The following ADGRB1 variants were observed in gnomAD, a reference collection of about 807,000 sequenced individuals.
ADGRB1 encodes adhesion G protein-coupled receptor B1, also known as brain-specific angiogenesis inhibitor 1.
ADGRB1 carries 36 observed loss-of-function variants against 175.7 expected under a neutral mutation model. The ratio of observed to expected loss-of-function variants is 0.20; its 90% confidence interval spans 0.16 to 0.27. The LOEUF is 0.27. Among genes scored for constraint, ADGRB1 ranks in the 10% least tolerant of loss-of-function variants. The pLI, the probability that ADGRB1 is intolerant of heterozygous loss-of-function variation, is 1.00. For missense variants in ADGRB1, 1,731 were observed against 2,255.3 expected (o/e 0.77, Z 4.71); for synonymous variants, 1,054 against 979.4 (o/e 1.08, Z -1.42).
At chr8:142,540,731 G>A (rs889289567) in intron 27 of ADGRB1, among the ~76,000 whole-genome samples, 6 of 152,114 alleles carry the variant, frequency 3.9e-5, no homozygotes, top group African/African-American at 1.4e-4. Flanking sequence ...CGGCCTTGGG[G>A]ACGTGCGTCC....
chr8:142,529,088 A>AC (rs1454845393), intron 24 of ADGRB1, among the ~76,000 whole-genome samples: 4 of 152,072 alleles, frequency 2.6e-5, no homozygotes, highest in Admixed American at 6.5e-5. Context: ...CACCCATGAC[A>AC]CCCCCGCAGT....
At chr8:142,461,735 G>A (rs948918274) in intron 1 of ADGRB1, among the ~76,000 whole-genome samples, 1 of 152,168 alleles carries the variant, frequency 6.6e-6, no homozygotes, top group African/African-American at 2.4e-5. Context: ...GGTGAAGGTG[G>A]TGCATCTGGG....
chr8:142,502,470 C>G (rs373965678), intron 17 of ADGRB1, among the ~76,000 whole-genome samples: 7,074 of 7,660 alleles, frequency 0.92, 3,315 homozygotes, highest in East Asian at 0.93. Flanking sequence ...GCAGTCATCA[C>G]TGTGGTTTTG....
intron 17 of ADGRB1, among the ~76,000 whole-genome samples, chr8:142,499,960 T>C (rs62513272): frequency 1 from 152,081 of 152,082 alleles, 76,040 homozygotes; most frequent in Non-Finnish European, 1. Context: ...GCCCACCCGG[T>C]TCCTTTGCAC....
chr8:142,483,990 T>G lies in ADGRB1; in HGVS notation c.2144T>G (p.Ile715Ser). 6.2e-7 allele frequency: 1 copy of G among 1,613,472 alleles called. No individual in the cohort carries two copies. Among genetic ancestry groups the G allele is most frequent in the Non-Finnish European group, 8.5e-7 (1 of 1,179,656 alleles). Residue 715 changes from isoleucine to serine, a missense_variant, in exon 12 of 31, where the codon ATC becomes AGC. Physicochemically the swap from Ile to Ser is moderately radical, Grantham distance 142 (BLOSUM62 -2). Transcript: ENST00000517894. ...TPGDVQNFVQILSNLLAEENR... is the reference protein window; with the variant it reads ...TPGDVQNFVQSLSNLLAEENR... ...TCTTCTTTCCAGAACTTTGTCCAGATCCTTAGCAACCTGTTGGCAGAGGAG... is the reference window on the plus strand; with the variant it reads ...TCTTCTTTCCAGAACTTTGTCCAGAGCCTTAGCAACCTGTTGGCAGAGGAG...
chr8:142,499,654 G>C (rs2131949300), intron 17 of ADGRB1, among the ~76,000 whole-genome samples: 1 of 152,318 alleles, frequency 6.6e-6, no homozygotes, highest in South Asian at 2.1e-4. Flanking sequence ...GGCTGGGGTG[G>C]GTGGGGCTGC....
At chr8:142,472,507 T>C (rs7822554) in intron 2 of ADGRB1, among the ~76,000 whole-genome samples, 111,134 of 152,110 alleles carry the variant, frequency 0.73, 41,367 homozygotes, top group Non-Finnish European at 0.81. Flanking sequence ...GGCCACCCAG[T>C]GAAGCGTGGC....
chr8:142,476,840 T>A, intron 4 of ADGRB1, 145 bp downstream of exon 4: 1 of 993,656 alleles, frequency 1.0e-6, no homozygotes, highest in South Asian at 1.7e-5. Context: ...GTCTCCTGAC[T>A]GCCTGGCATT....
rs1365938358 is a variant in ADGRB1, at chr8:142,537,309, G to A, written c.3666+227G>A. ...AGCTGATGAGTTTGGAGGTCTCAGC[G>A]GAGGCTGGCATCCACCCCACACTCA... On this transcript the variant is annotated intron_variant, in intron 26 of 30. Transcript: ENST00000517894. The surrounding 1 kb of genome is among the most constrained non-coding windows in gnomAD (Gnocchi z 4.6). Among the ~76,000 whole-genome samples, 2 of 152,032 alleles carry A rather than the reference G, an allele frequency of 1.3e-5. No individual in the cohort carries two copies. The highest frequency in any genetic ancestry group is 1.5e-5 in the Non-Finnish European group (1 of 67,982).
intron 25 of ADGRB1, 78 bp downstream of exon 25, chr8:142,533,544 A>C: frequency 6.9e-7 from 1 of 1,451,708 alleles, no homozygotes; most frequent in Admixed American, 2.1e-5. Context: ...TTCCCCGAGG[A>C]CCTCGGCAGG....
chr8:142,535,036 G>A (rs902133406), intron 25 of ADGRB1, among the ~76,000 whole-genome samples: 1 of 152,162 alleles, frequency 6.6e-6, no homozygotes, highest in African/African-American at 2.4e-5. Context: ...AAGAACAGTA[G>A]CCTATGAAAA....
chr8:142,524,256 G>C lies in ADGRB1; in HGVS notation c.3264G>C (p.Glu1088Asp), dbSNP rs764029236. 6.2e-7 allele frequency: 1 copy of C among 1,600,506 alleles called. No individual in the cohort carries two copies. The highest frequency in any genetic ancestry group is 8.5e-7 in the Non-Finnish European group (1 of 1,179,030). Residue 1088 changes from glutamate to aspartate, a missense_variant, in exon 23 of 31, where the codon GAG (glutamate) becomes GAC (aspartate). By Grantham distance (45) the Glu-to-Asp change is conservative. Around this residue, in one of 8 missense-constraint regions of ADGRB1, gnomAD observed 301 missense variants for 488.4 expected, o/e 0.62. Transcript: ENST00000517894. ...TCCCCAGCTGCTGGCTCTCCCTGGA[G>C]GGGGGACTGCTCTATGCCTTCGTGG... The part of the protein sequence containing the change: ...STMNYCWLSL[E>D]GGLLYAFVGP...
intron 2 of ADGRB1, among the ~76,000 whole-genome samples, chr8:142,465,512 T>G (rs1587260249): frequency 6.7e-6 from 1 of 150,104 alleles, no homozygotes; most frequent in African/African-American, 2.5e-5. Flanking sequence ...TCAGATGAGG[T>G]TTCGGGTTGA....
intron 22 of ADGRB1, among the ~76,000 whole-genome samples, chr8:142,523,687 G>A (rs939396821): frequency 6.6e-6 from 1 of 151,300 alleles, no homozygotes; most frequent in Non-Finnish European, 1.5e-5. Context: ...GCTGCTCAGG[G>A]TAGAGGGAAC....
intron 16 of ADGRB1, among the ~76,000 whole-genome samples, chr8:142,489,897 GC>G (rs1316250779): frequency 1.3e-5 from 2 of 152,206 alleles, no homozygotes; most frequent in African/African-American, 4.8e-5. Context: ...CTGGCGGGAA[GC>G]CCCAGCCTCC....
chr8:142,453,750 A>G (rs1303597686), intron 1 of ADGRB1, among the ~76,000 whole-genome samples: 1 of 152,198 alleles, frequency 6.6e-6, no homozygotes, highest in Non-Finnish European at 1.5e-5. Flanking sequence ...ATATGCAGGA[A>G]AAAGCCCCTG....
At position 142,477,532 on chromosome 8, in the gene ADGRB1, A is replaced by G; in HGVS notation, c.1370A>G (p.Asn457Ser). 2.5e-6 allele frequency: 4 copies of G among 1,612,970 alleles called. No individual in the cohort carries two copies. The highest frequency in any genetic ancestry group is 3.4e-6 in the Non-Finnish European group (4 of 1,179,594). The change falls in exon 6 of 31, where the codon AAC becomes AGC. Residue 457 changes from asparagine (N) to serine (S), a missense_variant. Coordinates refer to ENST00000517894, the MANE Select transcript of ADGRB1 (RefSeq NM_001702.3). ...CCTGAGAAGCAAACCAAGTTCTGCA[A>G]CATTGCCCTGTGCCCTGGTAGGTGA... ...EGPEKQTKFC[N>S]IALCPGRAVD...
chr8:142,452,971 C>A (rs1252798392), intron 1 of ADGRB1, among the ~76,000 whole-genome samples: 1 of 148,084 alleles, frequency 6.8e-6, no homozygotes, highest in East Asian at 2.0e-4. Context: ...GTCTCCTCCG[C>A]GCCTGGCCCG....
chr8:142,526,492 A>C, intron 23 of ADGRB1, 50 bp from the exon 24 acceptor site: 3 of 1,361,340 alleles, frequency 2.2e-6, no homozygotes, highest in Non-Finnish European at 2.0e-6. Context: ...TCAGCCCCTG[A>C]GCCTACGGCG....
Sources: allele counts gnomAD v4.1 joint callset (sites outside exome capture counted in the v4.1 genomes callset), GRCh38; gene constraint gnomAD v4.1.1; regional missense constraint gnomAD v4.1.1; non-coding constraint Gnocchi (gnomAD v3.1); transcripts MANE v1.5; gene names NCBI Gene and HGNC (gene_info 2026-07-23, HGNC 2026-07-21).